The following ITSN2 variants were observed in gnomAD, a reference collection of about 807,000 sequenced individuals.
ITSN2 encodes intersectin 2.
A neutral mutation model predicts 243.7 loss-of-function variants in ITSN2; 156 were observed. The observed-to-expected ratio is 0.64, with a 90% CI of 0.56 to 0.73. The LOEUF is 0.73. ITSN2 is among the 30% of genes least tolerant of loss of function. The pLI is 0.00. For synonymous variants in ITSN2, 703 were observed against 699.9 expected (o/e 1.00, Z -0.07); for missense variants, 1,801 against 1,996.1 (o/e 0.90, Z 1.86).
At chr2:24,281,880 T>C (rs1461961207) in intron 17 of ITSN2, among the ~76,000 whole-genome samples, 1 of 152,216 alleles carries the variant, frequency 6.6e-6, no homozygotes, top group African/African-American at 2.4e-5. Flanking sequence ...TCCACCCCTC[T>C]TCTTCTGGCC....
chr2:24,332,909 T>C lies in ITSN2; in HGVS notation c.-33-4794A>G, dbSNP rs1053857224. 3.9e-5 allele frequency among the ~76,000 whole-genome samples: 6 copies of C among 152,202 alleles called. 1 individual carries two copies. Among genetic ancestry groups the C allele is most frequent in the South Asian group, 4.1e-4 (2 of 4,838 alleles). ...TAGATGTACTGTGTCATGCTGAGTATTCATTGAGAATCCAATGTTTCAGGT... is the reference window on the plus strand; with the variant it reads ...TAGATGTACTGTGTCATGCTGAGTACTCATTGAGAATCCAATGTTTCAGGT... On this transcript the variant is annotated intron_variant, in intron 1 of 39. Coordinates refer to ENST00000355123, the MANE Select transcript of ITSN2 (RefSeq NM_006277.3).
In ITSN2 at chr2:24,325,203, G is replaced by C. The variant is rs149161755; in HGVS notation, c.31+2849C>G. Among the ~76,000 whole-genome samples, 376 of 152,150 alleles carry C rather than the reference G, an allele frequency of 2.5e-3. 4 individuals are homozygous for C. Among genetic ancestry groups the C allele is most frequent in the African/African-American group, 8.7e-3 (361 of 41,448 alleles). On this transcript the variant is annotated intron_variant, in intron 2 of 39. Coordinates refer to ENST00000355123, the MANE Select transcript of ITSN2 (RefSeq NM_006277.3). ...GGTGGAGGACTTCTTGAGCCCAAGA[G>C]TTCAAGACCAGCTTGGACAAGATAG...
chr2:24,286,489 A>G, intron 15 of ITSN2, 138 bp from the exon 16 acceptor site: 1 of 608,346 alleles, frequency 1.6e-6, no homozygotes, highest in Non-Finnish European at 2.8e-6. Flanking sequence ...AGTACAAGAG[A>G]AAACATTCAG....
At chr2:24,245,126 A>G (rs1285936296) in intron 29 of ITSN2, among the ~76,000 whole-genome samples, 1 of 152,224 alleles carries the variant, frequency 6.6e-6, no homozygotes, top group African/African-American at 2.4e-5. Context: ...TCCAAGTACT[A>G]TTCATTCCCT....
chr2:24,206,266 T>TG, intron 37 of ITSN2: 1 of 435,354 alleles, frequency 2.3e-6, no homozygotes, highest in South Asian at 1.7e-5. Context: ...TATAACAAAA[T>TG]GGGGGAAACC....
chr2:24,319,683 C>T (rs1684324517), intron 2 of ITSN2, among the ~76,000 whole-genome samples: 1 of 152,222 alleles, frequency 6.6e-6, no homozygotes, highest in Non-Finnish European at 1.5e-5. Flanking sequence ...TCAGACTTGC[C>T]AGTCATCCAG....
chr2:24,255,092 G>A (rs1674839719), intron 23 of ITSN2, among the ~76,000 whole-genome samples: 1 of 152,156 alleles, frequency 6.6e-6, no homozygotes. Context: ...CTCCATTACT[G>A]CAGGTTTTCA....
intron 1 of ITSN2, among the ~76,000 whole-genome samples, chr2:24,331,619 C>G (rs1034234044): frequency 6.6e-6 from 1 of 152,114 alleles, no homozygotes; most frequent in Non-Finnish European, 1.5e-5. Flanking sequence ...TTTTTATGTC[C>G]TCTTCTCCCT....
At chr2:24,269,309 T>G (rs1481622020) in intron 20 of ITSN2, among the ~76,000 whole-genome samples, 1 of 152,216 alleles carries the variant, frequency 6.6e-6, no homozygotes, top group Non-Finnish European at 1.5e-5. Context: ...ATCCAACTAC[T>G]ACTGCCTGGA....
At chr2:24,245,331 G>C (rs781373243) in intron 29 of ITSN2, among the ~76,000 whole-genome samples, 6 of 152,130 alleles carry the variant, frequency 3.9e-5, no homozygotes, top group Non-Finnish European at 7.4e-5. Context: ...CAAGAATTTT[G>C]CAACAGTCAA....
chr2:24,357,603 A>T (rs752710882), intron 1 of ITSN2, among the ~76,000 whole-genome samples: 7 of 151,338 alleles, frequency 4.6e-5, no homozygotes, highest in Non-Finnish European at 1.0e-4. Context: ...TGTAAGAAAT[A>T]AAAAAAAATC....
chr2:24,309,631 G>C (rs1177438185), intron 7 of ITSN2, among the ~76,000 whole-genome samples: 2 of 152,144 alleles, frequency 1.3e-5, no homozygotes, highest in Non-Finnish European at 2.9e-5. Context: ...CTCTGTGCCA[G>C]ACCTTATATT....
At chr2:24,233,103 T>G (rs1247149519) in intron 29 of ITSN2, among the ~76,000 whole-genome samples, 1 of 152,232 alleles carries the variant, frequency 6.6e-6, no homozygotes, top group Non-Finnish European at 1.5e-5. Flanking sequence ...CTGTAGCACT[T>G]TGTATCAGTG....
chr2:24,337,317 T>TATATATATATATACATATATATAC (rs1553395899), intron 1 of ITSN2, among the ~76,000 whole-genome samples: 2 of 49,172 alleles, frequency 4.1e-5, no homozygotes, highest in African/African-American at 1.0e-4. Flanking sequence ...ATACACAAAA[T>TATATATATATATACATATATATAC]ATATATATAT....
chr2:24,289,779 C>T (rs963521228), intron 15 of ITSN2, among the ~76,000 whole-genome samples: 3 of 152,146 alleles, frequency 2.0e-5, no homozygotes, highest in Non-Finnish European at 2.9e-5. Context: ...TTTCTTAAAA[C>T]ATTATGAGAT....
chr2:24,307,556 T>G (rs1289935503), intron 8 of ITSN2, among the ~76,000 whole-genome samples: 1 of 152,240 alleles, frequency 6.6e-6, no homozygotes, highest in Non-Finnish European at 1.5e-5. Flanking sequence ...TCCGTGTTCC[T>G]TGACTTATCC....
intron 29 of ITSN2, among the ~76,000 whole-genome samples, chr2:24,245,570 C>T (rs1673255578): frequency 6.6e-6 from 1 of 151,778 alleles, no homozygotes; most frequent in African/African-American, 2.4e-5. Flanking sequence ...CTCTTAACCT[C>T]CCGGGTTCAA....
intron 1 of ITSN2, among the ~76,000 whole-genome samples, chr2:24,329,560 T>C (rs770640232): frequency 5.3e-5 from 8 of 152,152 alleles, no homozygotes; most frequent in Non-Finnish European, 1.0e-4. Context: ...GGCCACTGTG[T>C]CCTGCCCGTT....
chr2:24,358,463 T>A (rs777917177), intron 1 of ITSN2, among the ~76,000 whole-genome samples: 9 of 152,186 alleles, frequency 5.9e-5, no homozygotes, highest in Non-Finnish European at 1.3e-4. Context: ...AGTTACGTGC[T>A]CGATAAATGA....
Sources: allele counts gnomAD v4.1 joint callset (sites outside exome capture counted in the v4.1 genomes callset), GRCh38; gene constraint gnomAD v4.1.1; transcripts MANE v1.5; gene names NCBI Gene and HGNC (gene_info 2026-07-23, HGNC 2026-07-21).